Variants in METTL14 observed in about 807,000 individuals in gnomAD.
METTL14 encodes the protein methyltransferase 14, N6-adenosine-methyltransferase non-catalytic subunit.
Under a neutral mutation model 62.4 loss-of-function variants are expected in METTL14, and 32 were observed. The observed-to-expected ratio is 0.51, with a 90% CI of 0.39 to 0.69. The LOEUF is 0.69. Ranked by LOEUF, METTL14 falls within the 30% of genes least tolerant of loss-of-function variation. The pLI is 0.00. For missense variants in METTL14, 340 were observed against 551.9 expected (o/e 0.62, Z 3.85); for synonymous variants, 150 against 180.0 (o/e 0.83, Z 1.34).
In METTL14 at chr4:118,703,951, G is replaced by A. The variant is rs1241096396; in HGVS notation, c.755G>A (p.Gly252Asp). Residue 252 changes from glycine (G) to aspartate (D), a missense_variant, in exon 9 of 11, where the codon GGT becomes GAT. Physicochemically the swap from Gly to Asp is moderately conservative, Grantham distance 94. This residue lies in a region of METTL14 where 58 missense variants were observed against 147.5 expected (regional missense o/e 0.39). Transcript: ENST00000388822. ...TGTTTCTAGTGTTTACGAAAATGGGGTTACAGAAGATGTGAAGATATTTGT... is the reference window on the plus strand; with the variant it reads ...TGTTTCTAGTGTTTACGAAAATGGGATTACAGAAGATGTGAAGATATTTGT... ...DLGRVCLRKW[G>D]YRRCEDICWI... 8.3e-6 allele frequency: 13 copies of A among 1,567,274 alleles called. No individual in the cohort carries two copies. The highest frequency in any genetic ancestry group is 1.0e-5 in the Non-Finnish European group (12 of 1,163,724).
intron 9 of METTL14, among the ~76,000 whole-genome samples, chr4:118,704,329 C>T (rs1281962945): frequency 6.6e-6 from 1 of 152,140 alleles, no homozygotes; most frequent in East Asian, 1.9e-4. Context: ...TCACACTCAC[C>T]CGCAGAATTT....
Position 118,689,417 on chromosome 4 carries a change from A to G in METTL14, c.203A>G (p.Asp68Gly), listed in dbSNP as rs1282659126. The stretch of plus-strand genomic sequence containing the variant: ...CCAAATGCAAAACGTAAGTATCTGG[A>G]TGAAGGAGAGACAGATGAAGACAAA... The part of the protein sequence containing the change: ...SAPNAKRKYL[D>G]EGETDEDKME... The change falls in exon 3 of 11, where the codon GAT (aspartate) becomes GGT (glycine). Residue 68 changes from aspartate to glycine, a missense_variant. Physicochemically the swap from Asp to Gly is moderately conservative, Grantham distance 94. Transcript: ENST00000388822. The G allele has an allele frequency of 3.7e-6, 6 of 1,606,480 alleles. No individual in the cohort carries two copies. The highest frequency in any genetic ancestry group is 1.7e-5 in the Admixed American group (1 of 58,612).
At chr4:118,703,180 G>T (rs531745006) in intron 8 of METTL14, among the ~76,000 whole-genome samples, 3 of 151,844 alleles carry the variant, frequency 2.0e-5, no homozygotes, top group Admixed American at 6.6e-5. Flanking sequence ...GTACTTATTT[G>T]TTTATTTTTC....
chr4:118,692,750 T>G lies in METTL14; in HGVS notation c.412+682T>G, dbSNP rs74724501. ...TATCCACAGAATTGTGCAACTATTT[T>G]CACAATCTATACTAGAACATTTGCA... On this transcript the variant is annotated intron_variant, in intron 5 of 10. Coordinates refer to ENST00000388822, the MANE Select transcript of METTL14 (RefSeq NM_020961.4). Among the ~76,000 whole-genome samples the G allele has an allele frequency of 7.5e-3, 1,135 of 152,274 alleles. 19 individuals are homozygous for G. Among genetic ancestry groups the G allele is most frequent in the African/African-American group, 0.026 (1,082 of 41,542 alleles).
chr4:118,703,771 C>T (rs1336239159), intron 8 of METTL14, among the ~76,000 whole-genome samples, 164 bp from the exon 9 acceptor site: 2 of 152,090 alleles, frequency 1.3e-5, no homozygotes, highest in African/African-American at 4.8e-5. Context: ...TATTTAAAGA[C>T]TGGCATTTCT....
chr4:118,705,241 G>A (rs905444062), intron 9 of METTL14, among the ~76,000 whole-genome samples: 4 of 152,150 alleles, frequency 2.6e-5, no homozygotes, highest in South Asian at 4.1e-4. Flanking sequence ...TTGGGAGGCC[G>A]AGGTAGGTAG....
intron 1 of METTL14, 61 bp downstream of exon 1, chr4:118,685,661 T>TC: frequency 7.0e-7 from 1 of 1,423,918 alleles, no homozygotes; most frequent in Non-Finnish European, 9.8e-7. Flanking sequence ...GGCCGCCTCC[T>TC]CCCTCCACAC....
rs775843697 is a variant in METTL14 at position 118,685,464 on chromosome 4, G to A, written c.-71G>A. Reference sequence around the variant, plus strand: ...CGGTGAATTTTGTTCCACAGACTCGGAAGAAAGGTTGGATAAGAGTTCACT... The same window carrying A: ...CGGTGAATTTTGTTCCACAGACTCGAAAGAAAGGTTGGATAAGAGTTCACT... On this transcript the variant is annotated 5_prime_UTR_variant, in exon 1 of 11. Transcript: ENST00000388822. The A allele has an allele frequency of 5.1e-5, 75 of 1,458,204 alleles. 1 individual carries two copies. The highest frequency in any genetic ancestry group is 6.6e-5 in the Non-Finnish European group (68 of 1,037,804). 90.3% of individuals were successfully genotyped at this position (1,458,204 alleles called of 1,614,324 possible).
rs762447299 is a variant in METTL14 at position 118,714,065 on chromosome 4, A to G, written c.*3763A>G. 1 of 152,252 alleles carries G rather than the reference A, an allele frequency of 6.6e-6. No individual in the cohort carries two copies. The highest frequency in any genetic ancestry group is 1.5e-5 in the Non-Finnish European group (1 of 68,046). The allele number at this position is 152,252 out of a possible 1,614,324, so 9.4% of individuals were successfully genotyped here. On this transcript the variant is annotated 3_prime_UTR_variant, in exon 11 of 11. Coordinates refer to ENST00000388822, the MANE Select transcript of METTL14 (RefSeq NM_020961.4). ...AAATCAGATAAGGTAGGTTTTTCCA[A>G]AAATACTTCTAAATAATTGACAACC... is the stretch of plus-strand genomic sequence containing the variant.
At chr4:118,693,976 G>C (rs1263997159) in intron 5 of METTL14, among the ~76,000 whole-genome samples, 1 of 151,706 alleles carries the variant, frequency 6.6e-6, no homozygotes, top group Non-Finnish European at 1.5e-5. Flanking sequence ...TTCCTGTTTG[G>C]GAAGAAAAGA....
At chr4:118,696,292 G>T in intron 6 of METTL14, among the ~76,000 whole-genome samples, 1 of 151,648 alleles carries the variant, frequency 6.6e-6, no homozygotes, top group Non-Finnish European at 1.5e-5. Context: ...TAGAGACAGG[G>T]TCTCACTGTC....
At chr4:118,688,319 C>T (rs28429077) in intron 2 of METTL14, among the ~76,000 whole-genome samples, 4,478 of 152,134 alleles carry the variant, frequency 0.029, 217 homozygotes, top group African/African-American at 0.1. Flanking sequence ...CTCCTGTAAT[C>T]CCCGCTACTC....
intron 5 of METTL14, among the ~76,000 whole-genome samples, chr4:118,693,491 A>T (rs1363902997): frequency 4.6e-5 from 7 of 152,148 alleles, no homozygotes; most frequent in Admixed American, 3.9e-4. Flanking sequence ...TTGATAGTAT[A>T]TTTTGTAGCA....
rs1725005399 is a variant in METTL14, at chr4:118,714,640, G to C, written c.*4338G>C. The C allele has an allele frequency of 6.6e-6, 1 of 152,082 alleles. No homozygotes were observed. The highest frequency in any genetic ancestry group is 6.6e-5 in the Admixed American group (1 of 15,262). 9.4% of individuals were successfully genotyped at this position (152,082 alleles called of 1,614,324 possible). A position where few individuals can be genotyped will look rare whatever the true frequency, so the allele number is the denominator to read the frequency against. ...GAGTCTCTGTTACCCAGGCTGGGGG[G>C]CAGTGATAAGATCTTGGCTCACTGC... On this transcript the variant is annotated 3_prime_UTR_variant, in exon 11 of 11. Coordinates refer to ENST00000388822, the MANE Select transcript of METTL14 (RefSeq NM_020961.4).
In METTL14 at chr4:118,713,405, T is replaced by G. The variant is rs879799701; in HGVS notation, c.*3103T>G. On this transcript the variant is annotated 3_prime_UTR_variant, in exon 11 of 11. Transcript: ENST00000388822. ...AATTGCTAAATTATCTTTCAGTTAG[T>G]TACAGCGCTTAATTTAAAACCTGTA... 2 of 152,222 alleles carry G rather than the reference T, an allele frequency of 1.3e-5. No individual in the cohort carries two copies. The highest frequency in any genetic ancestry group is 2.9e-5 in the Non-Finnish European group (2 of 68,044). 9.4% of individuals were successfully genotyped at this position (152,222 alleles called of 1,614,324 possible). A position where few individuals can be genotyped will look rare whatever the true frequency, so the allele number is the denominator to read the frequency against.
rs979665938 is a variant in METTL14 at position 118,710,445 on chromosome 4, C to A, written c.*143C>A. ...TGAGCTGCAAGAATGTCTTAGCGAG[C>A]CTTGCTTGCAGTTGTCACACACACT... On this transcript the variant is annotated 3_prime_UTR_variant, in exon 11 of 11. Transcript: ENST00000388822. The A allele has an allele frequency of 1.2e-6, 1 of 807,240 alleles. No individual in the cohort carries two copies. Among genetic ancestry groups the A allele is most frequent in the Non-Finnish European group, 1.9e-6 (1 of 524,714 alleles). 50.0% of individuals were successfully genotyped at this position (807,240 alleles called of 1,614,324 possible).
chr4:118,689,405 G>T lies in METTL14; in HGVS notation c.191G>T (p.Arg64Leu). 3 of 1,605,376 alleles carry T rather than the reference G, an allele frequency of 1.9e-6. No individual in the cohort carries two copies. The highest frequency in any genetic ancestry group is 2.2e-5 in the South Asian group (2 of 89,592). The change falls in exon 3 of 11, where the codon CGT becomes CTT. Residue 64 changes from arginine (R) to leucine (L), a missense_variant. Physicochemically the swap from Arg to Leu is moderately radical, Grantham distance 102 (BLOSUM62 -2). This residue lies in a region of METTL14 where 111 missense variants were observed against 116.6 expected (regional missense o/e 0.95). Transcript: ENST00000388822. The stretch of plus-strand genomic sequence containing the variant: ...GATACCTCTGCTCCAAATGCAAAAC[G>T]TAAGTATCTGGATGAAGGAGAGACA... ...SYDTSAPNAKRKYLDEGETDE... is the reference protein window; with the variant it reads ...SYDTSAPNAKLKYLDEGETDE...
At chr4:118,687,637 G>A (rs1724110493) in intron 1 of METTL14, among the ~76,000 whole-genome samples, 2 of 152,096 alleles carry the variant, frequency 1.3e-5, no homozygotes. Flanking sequence ...ACTTACAATG[G>A]GTTTATCAGG....
At position 118,714,641 on chromosome 4, in the gene METTL14, CAG is replaced by C. The variant is rs1725005463; in HGVS notation, c.*4340_*4341del. The C allele has an allele frequency of 6.6e-6, 1 of 152,110 alleles. No individual in the cohort carries two copies. Among genetic ancestry groups the C allele is most frequent in the South Asian group, 2.1e-4 (1 of 4,826 alleles). 9.4% of individuals were successfully genotyped at this position (152,110 alleles called of 1,614,324 possible). A position where few individuals can be genotyped will look rare whatever the true frequency, so the allele number is the denominator to read the frequency against. ...AGTCTCTGTTACCCAGGCTGGGGGG[CAG>C]TGATAAGATCTTGGCTCACTGCAAC... On this transcript the variant is annotated 3_prime_UTR_variant, in exon 11 of 11. Transcript: ENST00000388822.
Sources: allele counts gnomAD v4.1 joint callset (sites outside exome capture counted in the v4.1 genomes callset), GRCh38; gene constraint gnomAD v4.1.1; regional missense constraint gnomAD v4.1.1; transcripts MANE v1.5; gene names NCBI Gene and HGNC (gene_info 2026-07-23, HGNC 2026-07-21).